ACOXL: variants seen among roughly 807,000 people sequenced by gnomAD.
ACOXL encodes acyl-coenzyme A oxidase-like protein.
Under a neutral mutation model 71.9 loss-of-function variants are expected in ACOXL, and 70 were observed. The observed-to-expected ratio is 0.97, with a 90% CI of 0.80 to 1.19. ACOXL has a LOEUF of 1.19. Among genes scored for constraint, ACOXL ranks in the 50% most tolerant of loss-of-function variants. The pLI, the probability that ACOXL is intolerant of heterozygous loss-of-function variation, is 0.00. For missense variants in ACOXL, 703 were observed against 736.3 expected (o/e 0.95, Z 0.52); for synonymous variants, 253 against 281.6 (o/e 0.90, Z 1.02).
intron 15 of ACOXL, among the ~76,000 whole-genome samples, chr2:111,042,559 G>C (rs1261153158): frequency 6.6e-6 from 1 of 152,224 alleles, no homozygotes; most frequent in Non-Finnish European, 1.5e-5. Context: ...TGAAGGGCTT[G>C]AACAGGGAAT....
At chr2:110,937,642 A>G in intron 12 of ACOXL, among the ~76,000 whole-genome samples, 1 of 152,204 alleles carries the variant, frequency 6.6e-6, no homozygotes, top group Non-Finnish European at 1.5e-5. Flanking sequence ...TTCAGGTTGG[A>G]ACTCCCTGGG....
At chr2:110,881,133 A>G (rs1696587545) in intron 10 of ACOXL, among the ~76,000 whole-genome samples, 1 of 151,646 alleles carries the variant, frequency 6.6e-6, no homozygotes. Flanking sequence ...AACAGTTCAT[A>G]TATATATATT....
At chr2:111,008,345 A>T (rs1312555807) in intron 14 of ACOXL, among the ~76,000 whole-genome samples, 1 of 151,932 alleles carries the variant, frequency 6.6e-6, no homozygotes, top group East Asian at 1.9e-4. Flanking sequence ...CATTCCAGCT[A>T]CCCCCTTTCC....
chr2:110,953,888 AT>A (rs1158623441), intron 12 of ACOXL, among the ~76,000 whole-genome samples: 1 of 152,218 alleles, frequency 6.6e-6, no homozygotes, highest in Non-Finnish European at 1.5e-5. Flanking sequence ...GAACTCACGC[AT>A]TATCATGAGA....
chr2:111,064,119 G>A (rs2066940538), intron 16 of ACOXL, among the ~76,000 whole-genome samples: 1 of 152,214 alleles, frequency 6.6e-6, no homozygotes, highest in African/African-American at 2.4e-5. Flanking sequence ...CCAAAATCTA[G>A]GGAGGCACAA....
intron 12 of ACOXL, among the ~76,000 whole-genome samples, chr2:110,952,577 G>A (rs2061368809): frequency 6.6e-6 from 1 of 152,146 alleles, no homozygotes; most frequent in Non-Finnish European, 1.5e-5. Flanking sequence ...AAGTAGCGTA[G>A]CTGGTATTAC....
chr2:110,967,444 TGTTGCTCAATATACATAAAG>T (rs1383845487), intron 12 of ACOXL, among the ~76,000 whole-genome samples: 2 of 152,144 alleles, frequency 1.3e-5, no homozygotes, highest in African/African-American at 4.8e-5. Context: ...GAGAGAAGTG[TGTTGCTCAATATACATAAAG>T]GAAATACTTC....
chr2:110,995,824 C>CT (rs1479871609), intron 13 of ACOXL, 69 bp from the exon 14 acceptor site: 17 of 1,241,014 alleles, frequency 1.4e-5, no homozygotes, highest in Non-Finnish European at 2.0e-5. Flanking sequence ...CAAACCTACT[C>CT]TATTTCTTTC....
chr2:111,097,803 AATAAAT>A (rs2068891301), intron 17 of ACOXL, among the ~76,000 whole-genome samples: 2 of 152,256 alleles, frequency 1.3e-5, no homozygotes, highest in Non-Finnish European at 2.9e-5. Flanking sequence ...TAATGATATG[AATAAAT>A]GATTAAGCAA....
At chr2:110,862,434 C>T (rs1023515438) in intron 10 of ACOXL, among the ~76,000 whole-genome samples, 1 of 152,056 alleles carries the variant, frequency 6.6e-6, no homozygotes, top group Non-Finnish European at 1.5e-5. Flanking sequence ...GAGTTCAAGA[C>T]CAGCCTGGGC....
chr2:110,999,777 C>G (rs945879460), intron 14 of ACOXL, among the ~76,000 whole-genome samples: 3 of 152,220 alleles, frequency 2.0e-5, no homozygotes, highest in Admixed American at 6.5e-5. Context: ...CTGCCCACAA[C>G]CACATGAGTA....
chr2:110,868,216 C>A (rs1431579209), intron 10 of ACOXL, among the ~76,000 whole-genome samples: 1 of 152,182 alleles, frequency 6.6e-6, no homozygotes, highest in African/African-American at 2.4e-5. Flanking sequence ...AAAGTGAGAA[C>A]CACACTATGA....
At chr2:110,848,045 A>C (rs1030503102) in intron 10 of ACOXL, among the ~76,000 whole-genome samples, 3 of 152,220 alleles carry the variant, frequency 2.0e-5, no homozygotes, top group Non-Finnish European at 1.5e-5. Flanking sequence ...TGAGCAAATG[A>C]AATTGCCATC....
intron 7 of ACOXL, among the ~76,000 whole-genome samples, chr2:110,800,068 T>C (rs1469492423): frequency 1.3e-5 from 2 of 152,198 alleles, no homozygotes; most frequent in African/African-American, 4.8e-5. Context: ...AAAGAAAAGC[T>C]GGCCACCCCA....
At chr2:110,846,641 G>GCGCACACACACA (rs148602789) in intron 10 of ACOXL, among the ~76,000 whole-genome samples, 7,324 of 138,002 alleles carry the variant, frequency 0.053, 209 homozygotes, top group Middle Eastern at 0.061. Context: ...ATGCATACAC[G>GCGCACACACACA]CACACACACA....
intron 12 of ACOXL, chr2:110,968,173 G>GGCACAT: frequency 1.7e-6 from 2 of 1,182,442 alleles, no homozygotes; most frequent in Non-Finnish European, 2.5e-6. Flanking sequence ...CAATAGGTTT[G>GGCACAT]GCACAGACAA....
chr2:111,094,117 T>C (rs1171393691), intron 17 of ACOXL: 1 of 152,178 alleles, frequency 6.6e-6, no homozygotes, highest in East Asian at 1.9e-4. Context: ...ATCATAGACA[T>C]GGAGTACTTA....
intron 12 of ACOXL, among the ~76,000 whole-genome samples, chr2:110,935,163 TTGGGGCACTGC>T (rs1032482203): frequency 1.3e-5 from 2 of 151,956 alleles, no homozygotes; most frequent in African/African-American, 4.8e-5. Context: ...CAGTGGGGTG[TTGGGGCACTGC>T]TGGGGGCCCT....
At chr2:110,826,756 T>C (rs1689208267) in intron 9 of ACOXL, among the ~76,000 whole-genome samples, 1 of 145,228 alleles carries the variant, frequency 6.9e-6, no homozygotes, top group Non-Finnish European at 1.5e-5. Flanking sequence ...TCTTTGCTTT[T>C]TTTTTTTTTT....
Sources: gnomAD v4.1 joint callset for allele counts (sites outside exome capture counted in the v4.1 genomes callset) on GRCh38, gnomAD v4.1.1 for gene constraint, MANE v1.5 for transcripts, NCBI Gene and HGNC (gene_info 2026-07-23, HGNC 2026-07-21) for gene names.